The following OSMR variants were observed in gnomAD, a reference collection of about 807,000 sequenced individuals.
OSMR encodes the protein oncostatin M receptor.
A neutral mutation model predicts 99.9 loss-of-function variants in OSMR; 81 were observed. That is an observed-to-expected ratio of 0.81 (90% CI 0.68 to 0.97). The LOEUF (loss-of-function observed/expected upper bound fraction) is 0.97, where lower values mean the gene tolerates loss of function less well. OSMR is among the 50% of genes least tolerant of loss of function. OSMR has a pLI of 0.00. For missense variants in OSMR, 1,099 were observed against 1,153.4 expected, an observed-to-expected ratio of 0.95 and a Z score of 0.68; for synonymous variants, 406 against 410.4, an observed-to-expected ratio of 0.99 and a Z score of 0.13.
chr5:38,876,554 A>G (rs558223537), intron 3 of OSMR, among the ~76,000 whole-genome samples, 181 bp downstream of exon 3: 15 of 152,172 alleles, frequency 9.9e-5, no homozygotes, highest in Non-Finnish European at 2.1e-4. Flanking sequence ...TAACATGACA[A>G]CTTTGGTTTG....
chr5:38,886,210 A>C lies in OSMR; in HGVS notation c.991+20A>C. 6.2e-7 allele frequency: 1 copy of C among 1,614,108 alleles called. No individual in the cohort carries two copies. The highest frequency in any genetic ancestry group is 8.5e-7 in the Non-Finnish European group (1 of 1,179,946). On this transcript the variant is annotated intron_variant, in intron 7 of 17. Coordinates refer to ENST00000274276, the MANE Select transcript of OSMR (RefSeq NM_003999.3). ...ATCGAGGTGAGACTAGAGTTGTCAC[A>C]GCCCACCGTGGCCACTAACGTGTCT...
chr5:38,875,644 A>G (rs1167001246), intron 2 of OSMR, among the ~76,000 whole-genome samples: 2 of 152,208 alleles, frequency 1.3e-5, no homozygotes, highest in African/African-American at 4.8e-5. Flanking sequence ...ACCTTGTCAC[A>G]ATTATTTTAT....
At chr5:38,940,074 G>GT (rs1374354598), downstream of OSMR, 1 of 200,480 alleles carries the variant, frequency 5.0e-6, no homozygotes, top group Non-Finnish European at 9.6e-6. Flanking sequence ...TCTCCCCAAA[G>GT]TAAGTGATAT....
chr5:38,890,255 C>T (rs772016630), intron 7 of OSMR, among the ~76,000 whole-genome samples: 92 of 152,242 alleles, frequency 6.0e-4, no homozygotes, highest in Admixed American at 1.0e-3. Context: ...AATCGCAGGC[C>T]CCGCCTCAGT....
Position 38,853,030 on chromosome 5 carries a change from C to T in OSMR, c.-14+6643C>T, listed in dbSNP as rs114229950. 7.4e-3 allele frequency among the ~76,000 whole-genome samples: 1,127 copies of T among 152,220 alleles called. 8 individuals are homozygous for T. The highest frequency in any genetic ancestry group is 0.015 in the South Asian group (73 of 4,814). ...ACAGGCGTGAGCCACCGCGCCCGGC[C>T]CTATTGTTTTCATTTAAAGCACTAA... On this transcript the variant is annotated intron_variant, in intron 1 of 17. Transcript: ENST00000274276.
At chr5:38,860,446 A>G (rs1418943654) in intron 1 of OSMR, among the ~76,000 whole-genome samples, 1 of 151,788 alleles carries the variant, frequency 6.6e-6, no homozygotes, top group African/African-American at 2.4e-5. Context: ...TATCTTTTTG[A>G]TGTGTTGTTG....
At chr5:38,911,112 T>C (rs1014197838) in intron 9 of OSMR, among the ~76,000 whole-genome samples, 6 of 151,736 alleles carry the variant, frequency 4.0e-5, no homozygotes, top group Non-Finnish European at 8.8e-5. Context: ...CTGAAGGAAA[T>C]TGAGATGCAA....
chr5:38,927,030 T>TA (rs1746503531), intron 15 of OSMR, among the ~76,000 whole-genome samples: 2 of 152,214 alleles, frequency 1.3e-5, no homozygotes, highest in Non-Finnish European at 2.9e-5. Flanking sequence ...CATTAAACCT[T>TA]AAAGTTCCAA....
intron 2 of OSMR, chr5:38,944,359 A>G (rs1747938317): frequency 7.4e-7 from 1 of 1,349,086 alleles, no homozygotes; most frequent in Admixed American, 1.9e-5. Flanking sequence ...TAAGTTAACT[A>G]GCCTAACTTT....
In OSMR at chr5:38,934,923, C is replaced by T. The variant is rs1746946940; in HGVS notation, c.*1479C>T. The T allele has an allele frequency of 6.6e-6, 1 of 152,354 alleles. No homozygotes were observed. The highest frequency in any genetic ancestry group is 1.5e-5 in the Non-Finnish European group (1 of 68,184). 9.4% of individuals were successfully genotyped at this position (152,354 alleles called of 1,614,324 possible). A position where few individuals can be genotyped will look rare whatever the true frequency, so the allele number is the denominator to read the frequency against. On this transcript the variant is annotated 3_prime_UTR_variant, in exon 18 of 18. Coordinates refer to ENST00000274276, the MANE Select transcript of OSMR (RefSeq NM_003999.3). Reference sequence around the variant, plus strand: ...CAGCCTTGGCTCACTGCAACCTCCGCCTCCCAGGGTCAAGCAATTCTCCTG... The same window carrying T: ...CAGCCTTGGCTCACTGCAACCTCCGTCTCCCAGGGTCAAGCAATTCTCCTG...
rs1476867635 is a variant in OSMR at position 38,881,614 on chromosome 5, A to C, written c.268A>C (p.Lys90Gln). 1 of 1,614,068 alleles carries C rather than the reference A, an allele frequency of 6.2e-7. No homozygotes were observed. The highest frequency in any genetic ancestry group is 1.1e-5 in the South Asian group (1 of 91,086). Residue 90 changes from lysine to glutamine, a missense_variant, in exon 4 of 18, where the codon AAG (lysine) becomes CAG (glutamine). Lys to Gln is a moderately conservative substitution (Grantham distance 53). Transcript: ENST00000274276. ...TTAGGGGAATTACAGCACCACTGTG[A>C]AGTGGAACCAGGTTCTGCATTGGAG... Reference protein sequence around the residue: ...IWVGNYSTTVKWNQVLHWSWE... With the variant: ...IWVGNYSTTVQWNQVLHWSWE...
chr5:38,891,161 TA>T (rs1463490395), intron 7 of OSMR, among the ~76,000 whole-genome samples: 1 of 152,172 alleles, frequency 6.6e-6, no homozygotes, highest in African/African-American at 2.4e-5. Context: ...CAGATGCACA[TA>T]ACCAAATCAA....
intron 5 of OSMR, 30 bp downstream of exon 5, chr5:38,884,141 C>A (rs775463392): frequency 2.7e-6 from 4 of 1,464,166 alleles, no homozygotes; most frequent in Admixed American, 3.3e-5. Flanking sequence ...GTGGCCCTTT[C>A]TTCTCATTTC....
intron 7 of OSMR, among the ~76,000 whole-genome samples, chr5:38,889,262 C>T (rs1414679937): frequency 6.6e-6 from 1 of 151,774 alleles, no homozygotes; most frequent in African/African-American, 2.4e-5. Flanking sequence ...GGCCGCCTTC[C>T]CTTGGTGTTC....
rs117889621 is a variant in OSMR, at chr5:38,899,116, C to T, written c.992-4766C>T. 0.022 allele frequency among the ~76,000 whole-genome samples: 3,331 copies of T among 152,114 alleles called. 327 individuals carry two copies. In the East Asian group the frequency reaches 0.35, roughly 16 times the overall value. ...CAGGAATTGCAGGCACCTGCCACCA[C>T]GCCTGGCTAAATTTTGTATTTCTAG... On this transcript the variant is annotated intron_variant, in intron 7 of 17. Coordinates refer to ENST00000274276, the MANE Select transcript of OSMR (RefSeq NM_003999.3).
Position 38,876,817 on chromosome 5 carries a change from G to C in OSMR, c.246+444G>C, listed in dbSNP as rs545599782. Among the ~76,000 whole-genome samples, 8 of 152,330 alleles carry C rather than the reference G, an allele frequency of 5.3e-5. No homozygotes were observed. In the East Asian group the frequency reaches 1.5e-3, roughly 29 times the overall value. On this transcript the variant is annotated intron_variant, in intron 3 of 17. Transcript: ENST00000274276. Reference sequence around the variant, plus strand: ...GGCCTATACCCAGCTGAAGTGCAGGGAAGAGTAAGTGCTAGCACTTAATGT... The same window carrying C: ...GGCCTATACCCAGCTGAAGTGCAGGCAAGAGTAAGTGCTAGCACTTAATGT...
intron 1 of OSMR, among the ~76,000 whole-genome samples, chr5:38,862,384 T>C (rs1579641906): frequency 3.4e-5 from 2 of 58,138 alleles, no homozygotes; most frequent in African/African-American, 8.2e-5. Flanking sequence ...GAGGCGCCCC[T>C]CACCTCCCGG....
intron 3 of OSMR, among the ~76,000 whole-genome samples, chr5:38,880,547 A>G (rs560703624): frequency 1.2e-4 from 19 of 152,328 alleles, no homozygotes; most frequent in Non-Finnish European, 2.1e-4. Context: ...GGGTGGAGAC[A>G]AGAGGAATGC....
chr5:38,852,933 G>C (rs188384755), intron 1 of OSMR, among the ~76,000 whole-genome samples: 1 of 151,178 alleles, frequency 6.6e-6, no homozygotes, highest in Non-Finnish European at 1.5e-5. Flanking sequence ...GGGTTTCACC[G>C]TGTTAGCCAG....
Sources: gnomAD v4.1 joint callset for allele counts (sites outside exome capture counted in the v4.1 genomes callset) on GRCh38, gnomAD v4.1.1 for gene constraint, MANE v1.5 for transcripts, NCBI Gene and HGNC (gene_info 2026-07-23, HGNC 2026-07-21) for gene names.